Variants in DTX1 observed in about 807,000 individuals in gnomAD.
DTX1 encodes the protein deltex E3 ubiquitin ligase 1.
Under a neutral mutation model 57.8 loss-of-function variants are expected in DTX1, and 26 were observed. The observed-to-expected ratio is 0.45, with a 90% CI of 0.33 to 0.62. The LOEUF is 0.62. Ranked by LOEUF, DTX1 falls within the 20% of genes least tolerant of loss-of-function variation. The probability of loss-of-function intolerance (pLI) is 0.02; values close to 1 mark genes in which losing one functional copy is unlikely to be tolerated. For synonymous variants in DTX1, 398 were observed against 394.1 expected (o/e 1.01, Z -0.12); for missense variants, 704 against 895.3 (o/e 0.79, Z 2.73).
rs1166254065 is a variant in DTX1, at chr12:113,093,226, G to A, written c.1003+3G>A. ...GCCGGTCCATCCGGCCCTGGCAGGT[G>A]AGGTCTGGCCCAGGGCGGGAAAGAA... On this transcript the variant is annotated splice_donor_region_variant and intron_variant, in intron 4 of 9. Coordinates refer to ENST00000548759, the MANE Select transcript of DTX1 (RefSeq NM_004416.3). The surrounding 1 kb of genome is among the most constrained non-coding windows in gnomAD (Gnocchi z 4.2). The A allele has an allele frequency of 6.3e-7, 1 of 1,594,346 alleles. No homozygotes were observed. Among genetic ancestry groups the A allele is most frequent in the Admixed American group, 1.7e-5 (1 of 57,576 alleles).
intron 6 of DTX1, among the ~76,000 whole-genome samples, chr12:113,094,313 A>G (rs538450032): frequency 1.2e-4 from 19 of 152,108 alleles, no homozygotes; most frequent in Non-Finnish European, 5.9e-5. Context: ...TTTCACCCAT[A>G]TTTTCCACTA....
Position 113,074,981 on chromosome 12 carries a change from G to A in DTX1, c.260-2443G>A, listed in dbSNP as rs146306982. Among the ~76,000 whole-genome samples, 293 of 152,294 alleles carry A rather than the reference G, an allele frequency of 1.9e-3. 1 individual carries two copies. The highest frequency in any genetic ancestry group is 6.4e-3 in the African/African-American group (268 of 41,560). On this transcript the variant is annotated intron_variant, in intron 2 of 9. Coordinates refer to ENST00000548759, the MANE Select transcript of DTX1 (RefSeq NM_004416.3). ...GGGAGAGCAGAGCTGAGTTCAAGGT[G>A]CCTGTTAAACCTCTCCAGGGAAGGG...
chr12:113,078,035 C>A lies in DTX1; in HGVS notation c.871C>A (p.Gln291Lys). The A allele has an allele frequency of 7.6e-7, 1 of 1,311,252 alleles. No homozygotes were observed. The highest frequency in any genetic ancestry group is 9.7e-7 in the Non-Finnish European group (1 of 1,027,760). The allele number at this position is 1,311,252 out of a possible 1,614,324, so 81.2% of individuals were successfully genotyped here. A position where few individuals can be genotyped will look rare whatever the true frequency, so the allele number is the denominator to read the frequency against. Residue 291 changes from glutamine (Q) to lysine (K), a missense_variant, in exon 3 of 10, where the codon CAG becomes AAG. Physicochemically the swap from Gln to Lys is moderately conservative, Grantham distance 53. This residue lies in a region of DTX1 where 299 missense variants were observed against 311.2 expected (regional missense o/e 0.96). Coordinates refer to ENST00000548759, the MANE Select transcript of DTX1 (RefSeq NM_004416.3). ...CCCCGGCGGAGCGCGCACCCCGGGGCAGAACAACCTCAACCGGCCCGGGCC... is the reference window on the plus strand; with the variant it reads ...CCCCGGCGGAGCGCGCACCCCGGGGAAGAACAACCTCAACCGGCCCGGGCC... ...GAPGGARTPGQNNLNRPGPQR... is the reference protein window; with the variant it reads ...GAPGGARTPGKNNLNRPGPQR...
At position 113,058,089 on chromosome 12, in the gene DTX1, C is replaced by T. The variant is rs2136420510; in HGVS notation, c.-104C>T. 1 of 1,441,092 alleles carries T rather than the reference C, an allele frequency of 6.9e-7. No individual in the cohort carries two copies. Among genetic ancestry groups the T allele is most frequent in the Non-Finnish European group, 9.1e-7 (1 of 1,097,974 alleles). 89.3% of individuals were successfully genotyped at this position (1,441,092 alleles called of 1,614,324 possible). On this transcript the variant is annotated 5_prime_UTR_variant, in exon 2 of 10. Transcript: ENST00000548759. ...GAGTTAGAAAGGAGGCCAGACGGTC[C>T]TTGCTGTCCCCCTGGGGAGAGAGGA... is the stretch of plus-strand genomic sequence containing the variant.
rs1566016895 is a variant in DTX1 at position 113,077,658 on chromosome 12, G to T, written c.494G>T (p.Arg165Leu). 2 of 1,586,116 alleles carry T rather than the reference G, an allele frequency of 1.3e-6. No homozygotes were observed. Among genetic ancestry groups the T allele is most frequent in the East Asian group, 4.6e-5 (2 of 43,096 alleles). The change falls in exon 3 of 10, where the codon CGG becomes CTG. Residue 165 changes from arginine to leucine, a missense_variant. Arg to Leu is a moderately radical substitution (Grantham distance 102, BLOSUM62 -2). Around this residue, in one of 3 missense-constraint regions of DTX1, gnomAD observed 237 missense variants for 328.6 expected, o/e 0.72. Coordinates refer to ENST00000548759, the MANE Select transcript of DTX1 (RefSeq NM_004416.3). The surrounding 1 kb of genome is among the most constrained non-coding windows in gnomAD (Gnocchi z 7.8). Reference protein sequence around the residue: ...SMSQMNRQTRRRRRLRRRLDL... With the variant: ...SMSQMNRQTRLRRRLRRRLDL... ...TCGCAGATGAACCGCCAGACGCGCC[G>T]GCGCCGCCGCCTGCGCCGCCGCCTG...
chr12:113,077,160 T>C lies in DTX1; in HGVS notation c.260-264T>C, dbSNP rs1333138211. Among the ~76,000 whole-genome samples, 1 of 152,106 alleles carries C rather than the reference T, an allele frequency of 6.6e-6. No homozygotes were observed. The highest frequency in any genetic ancestry group is 1.9e-4 in the East Asian group (1 of 5,200). Reference sequence around the variant, plus strand: ...CTGCCCACCTCTCGCCCCAGTGCTATGCGCTGAACCTTTAGCCCCGGCCCC... The same window carrying C: ...CTGCCCACCTCTCGCCCCAGTGCTACGCGCTGAACCTTTAGCCCCGGCCCC... On this transcript the variant is annotated intron_variant, in intron 2 of 9. Coordinates refer to ENST00000548759, the MANE Select transcript of DTX1 (RefSeq NM_004416.3). The surrounding 1 kb of genome is among the most constrained non-coding windows in gnomAD (Gnocchi z 7.8).
At chr12:113,094,294 TTG>T (rs1296069893) in intron 6 of DTX1, among the ~76,000 whole-genome samples, 195 bp downstream of exon 6, 19 of 152,372 alleles carry the variant, frequency 1.2e-4, no homozygotes, top group African/African-American at 4.6e-4. Context: ...GATTGAGTTT[TTG>T]TGTCATTTTC....
rs142936190 is a variant in DTX1, at chr12:113,089,701, T to A, written c.942-3461T>A. On this transcript the variant is annotated intron_variant, in intron 3 of 9. Coordinates refer to ENST00000548759, the MANE Select transcript of DTX1 (RefSeq NM_004416.3). ...GAGAAGCTGGAGACTACCTCGGGACTGTCCCCCAGGCTCACTGATGGGTAA... is the reference window on the plus strand; with the variant it reads ...GAGAAGCTGGAGACTACCTCGGGACAGTCCCCCAGGCTCACTGATGGGTAA... 1.4e-4 allele frequency among the ~76,000 whole-genome samples: 22 copies of A among 152,338 alleles called. No homozygotes were observed. The East Asian group carries it at 3.5e-3, about 24-fold the overall frequency.
At chr12:113,081,167 A>AC (rs2044814236) in intron 3 of DTX1, among the ~76,000 whole-genome samples, 1 of 152,088 alleles carries the variant, frequency 6.6e-6, no homozygotes, top group African/African-American at 2.4e-5. Flanking sequence ...ACATGGTGAA[A>AC]CCCCATCTCT....
chr12:113,069,475 T>C (rs539302655), intron 2 of DTX1, among the ~76,000 whole-genome samples: 1 of 152,250 alleles, frequency 6.6e-6, no homozygotes, highest in Non-Finnish European at 1.5e-5. Flanking sequence ...CTGGCCTGGC[T>C]TCCAGCAGAC....
Position 113,077,416 on chromosome 12 carries a change from G to C in DTX1, c.260-8G>C. 1 of 1,591,424 alleles carries C rather than the reference G, an allele frequency of 6.3e-7. No homozygotes were observed. The highest frequency in any genetic ancestry group is 8.5e-7 in the Non-Finnish European group (1 of 1,172,212). On this transcript the variant is annotated splice_polypyrimidine_tract_variant and splice_region_variant and intron_variant, in intron 2 of 9. Transcript: ENST00000548759. The surrounding 1 kb of genome is among the most constrained non-coding windows in gnomAD (Gnocchi z 7.8). ...TGTGCTGACGCCTCCTCCCCATTTCGAGTACAGGCACCATGCGGCCCGTGC... is the reference window on the plus strand; with the variant it reads ...TGTGCTGACGCCTCCTCCCCATTTCCAGTACAGGCACCATGCGGCCCGTGC...
At position 113,093,437 on chromosome 12, in the gene DTX1, A is replaced by AG; in HGVS notation, c.1004-102_1004-101insG. 1.5e-4 allele frequency: 82 copies of AG among 552,040 alleles called. No homozygotes were observed. The highest frequency in any genetic ancestry group is 2.5e-4 in the Non-Finnish European group (81 of 319,582). The allele number at this position is 552,040 out of a possible 1,614,324, so 34.2% of individuals were successfully genotyped here. A position where few individuals can be genotyped will look rare whatever the true frequency, so the allele number is the denominator to read the frequency against. ...TGAGTGGGTGGGGCCCAAGAGCGCA[A>AG]CCCTCCCACCCACCCGAGGGCCCCG... On this transcript the variant is annotated intron_variant, in intron 4 of 9. Coordinates refer to ENST00000548759, the MANE Select transcript of DTX1 (RefSeq NM_004416.3). This position sits in a 1 kb window ranked among gnomAD's most constrained non-coding sequence, Gnocchi z 4.2.
intron 2 of DTX1, among the ~76,000 whole-genome samples, chr12:113,076,825 T>C (rs2136058540): frequency 6.6e-6 from 1 of 152,316 alleles, no homozygotes; most frequent in African/African-American, 2.4e-5. Flanking sequence ...GAATGAATCA[T>C]TGAATGAGTG....
At position 113,068,565 on chromosome 12, in the gene DTX1, G is replaced by A. The variant is rs141189025; in HGVS notation, c.260-8859G>A. On this transcript the variant is annotated intron_variant, in intron 2 of 9. Coordinates refer to ENST00000548759, the MANE Select transcript of DTX1 (RefSeq NM_004416.3). ...ATACAGAGGCATAACCGCACACACG[G>A]TATGTTCAAAAAATAGCTGGAATTT... 4.1e-4 allele frequency among the ~76,000 whole-genome samples: 63 copies of A among 152,306 alleles called. No individual in the cohort carries two copies. In the Middle Eastern group the frequency reaches 0.01, roughly 25 times the overall value.
Position 113,078,120 on chromosome 12 carries a change from A to C in DTX1, c.941+15A>C, listed in dbSNP as rs146418824. On this transcript the variant is annotated intron_variant, in intron 3 of 9. Coordinates refer to ENST00000548759, the MANE Select transcript of DTX1 (RefSeq NM_004416.3). Reference sequence around the variant, plus strand: ...ATCCCGCCGGGGTAAGACGGGGCCCAGGGGGAGGGGGCCTCTGCGTCGTCC... The same window carrying C: ...ATCCCGCCGGGGTAAGACGGGGCCCCGGGGGAGGGGGCCTCTGCGTCGTCC... 1.2e-6 allele frequency: 1 copy of C among 825,872 alleles called. No individual in the cohort carries two copies. Among genetic ancestry groups the C allele is most frequent in the Non-Finnish European group, 1.7e-6 (1 of 604,356 alleles). The allele number at this position is 825,872 out of a possible 1,614,324, so 51.2% of individuals were successfully genotyped here.
At chr12:113,079,829 G>T (rs964961549) in intron 3 of DTX1, among the ~76,000 whole-genome samples, 2 of 151,916 alleles carry the variant, frequency 1.3e-5, no homozygotes, top group African/African-American at 4.8e-5. Context: ...AAAGTGCTGG[G>T]ATTACAGGCA....
intron 2 of DTX1, among the ~76,000 whole-genome samples, chr12:113,066,709 G>C (rs1444342366): frequency 7.8e-6 from 1 of 128,056 alleles, no homozygotes; most frequent in Admixed American, 7.8e-5. Context: ...AGCACCTACT[G>C]TGTGCCAGGC....
chr12:113,070,399 AG>A (rs1433894320), intron 2 of DTX1, among the ~76,000 whole-genome samples: 1 of 152,168 alleles, frequency 6.6e-6, no homozygotes, highest in African/African-American at 2.4e-5. Context: ...CCTTCCCGTC[AG>A]GGTCTGGGTG....
chr12:113,093,436 A>AGGCCC lies in DTX1; in HGVS notation c.1004-103_1004-102insGGCCC. ...CTGAGTGGGTGGGGCCCAAGAGCGC[A>AGGCCC]ACCCTCCCACCCACCCGAGGGCCCC... On this transcript the variant is annotated intron_variant, in intron 4 of 9. Coordinates refer to ENST00000548759, the MANE Select transcript of DTX1 (RefSeq NM_004416.3). The surrounding 1 kb of genome is among the most constrained non-coding windows in gnomAD (Gnocchi z 4.2). 3 of 876,274 alleles carry AGGCCC rather than the reference A, an allele frequency of 3.4e-6. No homozygotes were observed. Among genetic ancestry groups the AGGCCC allele is most frequent in the South Asian group, 1.8e-5 (1 of 55,972 alleles). 54.3% of individuals were successfully genotyped at this position (876,274 alleles called of 1,614,324 possible).
Sources: allele counts gnomAD v4.1 joint callset (sites outside exome capture counted in the v4.1 genomes callset), GRCh38; gene constraint gnomAD v4.1.1; regional missense constraint gnomAD v4.1.1; non-coding constraint Gnocchi (gnomAD v3.1); transcripts MANE v1.5; gene names NCBI Gene and HGNC (gene_info 2026-07-23, HGNC 2026-07-21).